Variants in PTPRD observed in about 807,000 individuals in gnomAD.
The protein encoded by PTPRD is protein tyrosine phosphatase receptor type D.
A neutral mutation model predicts 214.5 loss-of-function variants in PTPRD; 34 were observed. The observed-to-expected ratio is 0.16, with a 90% CI of 0.12 to 0.21. The LOEUF (loss-of-function observed/expected upper bound fraction) is 0.21. Among genes scored for constraint, PTPRD ranks in the 10% least tolerant of loss-of-function variants. The probability of loss-of-function intolerance (pLI) is 1.00; values close to 1 mark genes in which losing one functional copy is unlikely to be tolerated. For missense variants in PTPRD, 2,545 were observed against 2,398.7 expected, an observed-to-expected ratio of 1.06 and a Z score of -1.27; for synonymous variants, 1,128 against 845.7, an observed-to-expected ratio of 1.33 and a Z score of -5.79.
intron 2 of PTPRD, among the ~76,000 whole-genome samples, chr9:10,507,775 T>A (rs1300180161): frequency 6.6e-6 from 1 of 152,182 alleles, no homozygotes; most frequent in Non-Finnish European, 1.5e-5. Flanking sequence ...GATCCTTTCC[T>A]TATGCCTTGT....
At chr9:9,800,713 T>C (rs2099033876) in intron 5 of PTPRD, 2 of 152,216 alleles carry the variant, frequency 1.3e-5, no homozygotes, top group Non-Finnish European at 2.9e-5. Context: ...GATTGAATGA[T>C]ATGTCATTAA....
chr9:10,432,135 A>G (rs1370597791), intron 2 of PTPRD, among the ~76,000 whole-genome samples: 3 of 151,886 alleles, frequency 2.0e-5, no homozygotes, highest in Non-Finnish European at 2.9e-5. Context: ...TGTCCTTTGT[A>G]GGGACATGGA....
At chr9:9,701,840 C>T (rs2097508877) in intron 7 of PTPRD, among the ~76,000 whole-genome samples, 2 of 152,028 alleles carry the variant, frequency 1.3e-5, no homozygotes, top group African/African-American at 2.4e-5. Flanking sequence ...AAGTATTGGC[C>T]AGGTGTGGTG....
intron 11 of PTPRD, among the ~76,000 whole-genome samples, chr9:8,933,048 A>T (rs2154284577): frequency 6.6e-6 from 1 of 152,112 alleles, no homozygotes; most frequent in African/African-American, 2.4e-5. Context: ...ACCATGGGAA[A>T]AGCATAGTAT....
At chr9:10,344,967 A>G (rs939364753) in intron 2 of PTPRD, among the ~76,000 whole-genome samples, 1 of 152,136 alleles carries the variant, frequency 6.6e-6, no homozygotes, top group Non-Finnish European at 1.5e-5. Flanking sequence ...CTAAAATCAT[A>G]TAAATCTCCT....
chr9:8,319,389 A>C (rs1038721904), intron 45 of PTPRD, among the ~76,000 whole-genome samples: 5 of 152,052 alleles, frequency 3.3e-5, no homozygotes, highest in African/African-American at 1.2e-4. Flanking sequence ...AAATGTTTTG[A>C]ATGGCCATTG....
At position 8,376,034 on chromosome 9, in the gene PTPRD, A is replaced by G. The variant is rs757301314; in HGVS notation, c.4563T>C (p.Asp1521=). The part of the protein sequence containing the change: ...VRQFQFTAWP[D]HGVPEHPTPF... ...GTGTAGGGTGTTCTGGAACACCATG[A>G]TCAGGCCAGGCGGTGAACTGGAATT... Residue 1521 remains aspartate, a synonymous_variant, in exon 39 of 46, where the codon GAT becomes GAC. Coordinates refer to ENST00000381196, the MANE Select transcript of PTPRD (RefSeq NM_002839.4). The G allele has an allele frequency of 1.9e-6, 3 of 1,612,894 alleles. No homozygotes were observed. Among genetic ancestry groups the G allele is most frequent in the East Asian group, 2.2e-5 (1 of 44,870 alleles).
At chr9:10,132,180 G>A (rs114182359) in intron 3 of PTPRD, among the ~76,000 whole-genome samples, 1 of 151,784 alleles carries the variant, frequency 6.6e-6, no homozygotes, top group Admixed American at 6.6e-5. Context: ...AGATTATGAA[G>A]TTAAAAAAAA....
At chr9:8,407,427 G>T (rs1018491180) in intron 35 of PTPRD, among the ~76,000 whole-genome samples, 1 of 152,090 alleles carries the variant, frequency 6.6e-6, no homozygotes, top group African/African-American at 2.4e-5. Context: ...ATTTGGCTAA[G>T]CTCACACAGC....
At chr9:9,562,132 T>C (rs1005776625) in intron 8 of PTPRD, among the ~76,000 whole-genome samples, 26 of 152,158 alleles carry the variant, frequency 1.7e-4, no homozygotes, top group African/African-American at 5.5e-4. Flanking sequence ...CTCACACTCA[T>C]ATTCTTTATT....
At chr9:9,970,099 G>A (rs1369976661) in intron 4 of PTPRD, among the ~76,000 whole-genome samples, 3 of 152,046 alleles carry the variant, frequency 2.0e-5, no homozygotes, top group African/African-American at 2.4e-5. Flanking sequence ...GCCATATTAA[G>A]GATTATAGGT....
At chr9:8,612,579 G>A (rs2095488193) in intron 14 of PTPRD, among the ~76,000 whole-genome samples, 1 of 152,220 alleles carries the variant, frequency 6.6e-6, no homozygotes, top group African/African-American at 2.4e-5. Flanking sequence ...TTGGTCAGAA[G>A]AAGCAAGACA....
intron 8 of PTPRD, among the ~76,000 whole-genome samples, chr9:9,441,637 A>C (rs548839693): frequency 2.0e-5 from 3 of 152,230 alleles, no homozygotes; most frequent in African/African-American, 7.2e-5. Flanking sequence ...GGCTATCAAT[A>C]TAACATGTTA....
At chr9:8,481,778 T>TGTTTG (rs58570984) in intron 30 of PTPRD, among the ~76,000 whole-genome samples, 1 of 69,280 alleles carries the variant, frequency 1.4e-5, no homozygotes, top group South Asian at 3.7e-4. Flanking sequence ...ATCTATAATC[T>TGTTTG]GTTTTGTTTT....
intron 44 of PTPRD, among the ~76,000 whole-genome samples, chr9:8,323,291 A>G (rs1830287616): frequency 6.6e-6 from 1 of 152,220 alleles, no homozygotes; most frequent in South Asian, 2.1e-4. Context: ...GCCTGTGAAC[A>G]CAATATTGAT....
At chr9:8,622,966 A>G (rs1168612733) in intron 14 of PTPRD, among the ~76,000 whole-genome samples, 1 of 151,074 alleles carries the variant, frequency 6.6e-6, no homozygotes, top group African/African-American at 2.4e-5. Context: ...AGCAAGACCT[A>G]TTTTCTAAAG....
chr9:8,939,401 TCTTAA>T (rs928205520), intron 11 of PTPRD, among the ~76,000 whole-genome samples: 1 of 152,100 alleles, frequency 6.6e-6, no homozygotes, highest in Non-Finnish European at 1.5e-5. Flanking sequence ...AGATGCATAC[TCTTAA>T]CTTCATTTTG....
chr9:9,746,106 T>C (rs1287991005), intron 6 of PTPRD, among the ~76,000 whole-genome samples: 4 of 152,162 alleles, frequency 2.6e-5, no homozygotes, highest in African/African-American at 9.6e-5. Flanking sequence ...AAAAGTTTAC[T>C]TCAGTTTGCC....
chr9:9,264,235 A>C (rs1163009108), intron 9 of PTPRD, among the ~76,000 whole-genome samples: 7 of 151,772 alleles, frequency 4.6e-5, no homozygotes, highest in Non-Finnish European at 1.0e-4. Context: ...TGAACTGCTC[A>C]ACAATTCAAA....
Sources: gnomAD v4.1 joint callset for allele counts (sites outside exome capture counted in the v4.1 genomes callset) on GRCh38, gnomAD v4.1.1 for gene constraint, MANE v1.5 for transcripts, NCBI Gene and HGNC (gene_info 2026-07-23, HGNC 2026-07-21) for gene names.